Variants in TENM4 observed in about 807,000 individuals in gnomAD.
TENM4 encodes the protein teneurin-4.
A neutral mutation model predicts 243.3 loss-of-function variants in TENM4; 82 were observed. The ratio of observed to expected loss-of-function variants is 0.34; its 90% CI spans 0.28 to 0.40. The LOEUF (loss-of-function observed/expected upper bound fraction) is 0.40. Among genes scored for constraint, TENM4 ranks in the 10% least tolerant of loss-of-function variants. The pLI, the probability that TENM4 is intolerant of heterozygous loss-of-function variation, is 1.00. For synonymous variants in TENM4, 1,412 were observed against 1,456.3 expected (o/e 0.97, Z 0.69); for missense variants, 3,138 against 3,673.3 (o/e 0.85, Z 3.77).
chr11:78,786,191 T>C (rs1206440510), intron 16 of TENM4, among the ~76,000 whole-genome samples: 3 of 152,194 alleles, frequency 2.0e-5, no homozygotes, highest in African/African-American at 7.2e-5. Context: ...TCAGAGCTGC[T>C]TCAGCAGGAG....
At chr11:78,791,646 T>C (rs915204899) in intron 15 of TENM4, among the ~76,000 whole-genome samples, 5 of 152,262 alleles carry the variant, frequency 3.3e-5, no homozygotes, top group African/African-American at 1.2e-4. Context: ...CATTCTAGCA[T>C]GGCAGACAGA....
At chr11:78,672,485 T>C (rs1158548109) in intron 30 of TENM4, among the ~76,000 whole-genome samples, 156 bp from the exon 31 acceptor site, 1 of 152,238 alleles carries the variant, frequency 6.6e-6, no homozygotes, top group Non-Finnish European at 1.5e-5. Context: ...ATCCTGGCTC[T>C]GTCATTTGTC....
intron 3 of TENM4, among the ~76,000 whole-genome samples, chr11:79,208,686 C>T (rs577238926): frequency 6.6e-6 from 1 of 152,278 alleles, no homozygotes; most frequent in Non-Finnish European, 1.5e-5. Context: ...CAACGCTTAC[C>T]TCACTGGGTA....
intron 6 of TENM4, among the ~76,000 whole-genome samples, chr11:79,026,927 C>CAGAGAG (rs373300937): frequency 6.6e-6 from 1 of 151,248 alleles, no homozygotes; most frequent in East Asian, 1.9e-4. Flanking sequence ...TAGATTCTAA[C>CAGAGAG]AGAGAGAGAG....
rs114148470 is a variant in TENM4 at position 79,245,253 on chromosome 11, C to T, written c.-264-29344G>A. On this transcript the variant is annotated intron_variant, in intron 2 of 33. Transcript: ENST00000278550. ...TTGACTGACTGACTTGACAAAGTTT[C>T]TCAGTCTCCCTATCTTTCTTCTCAT... 6.1e-3 allele frequency among the ~76,000 whole-genome samples: 923 copies of T among 152,344 alleles called. 14 individuals are homozygous for T. Among genetic ancestry groups the T allele is most frequent in the African/African-American group, 0.021 (882 of 41,586 alleles).
chr11:79,055,932 G>A (rs1336874671), intron 6 of TENM4, among the ~76,000 whole-genome samples: 2 of 152,186 alleles, frequency 1.3e-5, no homozygotes, highest in African/African-American at 4.8e-5. Context: ...ACTAGGACTA[G>A]TGACACAGCC....
At chr11:79,398,504 C>A (rs1858391946) in intron 1 of TENM4, among the ~76,000 whole-genome samples, 1 of 152,076 alleles carries the variant, frequency 6.6e-6, no homozygotes, top group Non-Finnish European at 1.5e-5. Flanking sequence ...TATGGAAATA[C>A]TAACAGTGGT....
chr11:78,700,528 A>G (rs962173546), intron 28 of TENM4, among the ~76,000 whole-genome samples: 1 of 152,234 alleles, frequency 6.6e-6, no homozygotes, highest in African/African-American at 2.4e-5. Flanking sequence ...CAGTCGTGTG[A>G]ACCATGGCTA....
intron 12 of TENM4, among the ~76,000 whole-genome samples, chr11:78,841,241 G>A (rs929078723): frequency 1.3e-5 from 2 of 152,158 alleles, no homozygotes; most frequent in African/African-American, 4.8e-5. Context: ...AAGTCCCACT[G>A]CTATTAAGTG....
intron 19 of TENM4, chr11:78,756,604 A>G (rs572098499): frequency 3.5e-6 from 2 of 579,284 alleles, no homozygotes; most frequent in African/African-American, 1.9e-5. Context: ...TTGCTCATAA[A>G]AATTCCAAAC....
chr11:78,710,508 G>T (rs1261453694), intron 26 of TENM4, among the ~76,000 whole-genome samples: 1 of 152,224 alleles, frequency 6.6e-6, no homozygotes, highest in African/African-American at 2.4e-5. Context: ...TCATGGTCCT[G>T]TCGTGAATGT....
intron 22 of TENM4, among the ~76,000 whole-genome samples, 152 bp downstream of exon 22, chr11:78,729,223 AG>A (rs35235071): frequency 0.13 from 19,982 of 152,132 alleles, 1,565 homozygotes; most frequent in Admixed American, 0.19. Context: ...ACATTCTTTT[AG>A]GTCCTGGCCA....
chr11:78,789,994 T>C (rs762755935), intron 15 of TENM4, among the ~76,000 whole-genome samples: 19 of 152,196 alleles, frequency 1.2e-4, no homozygotes, highest in Non-Finnish European at 2.6e-4. Context: ...CAGAGGCTTC[T>C]TCCTACCTTA....
intron 2 of TENM4, among the ~76,000 whole-genome samples, chr11:79,221,880 G>A (rs949697572): frequency 1.3e-5 from 2 of 152,128 alleles, no homozygotes; most frequent in African/African-American, 4.8e-5. Context: ...ACCAGCTCTG[G>A]ACATGCCCTG....
rs529284540 is a variant in TENM4 at position 78,967,495 on chromosome 11, C to A, written c.494-63972G>T. Reference sequence around the variant, plus strand: ...GGAAAGTGACAAGACCGGGGCTGTACTGTAGAAGGATCTGCTCTTTAAACA... The same window carrying A: ...GGAAAGTGACAAGACCGGGGCTGTAATGTAGAAGGATCTGCTCTTTAAACA... On this transcript the variant is annotated intron_variant, in intron 6 of 33. Coordinates refer to ENST00000278550, the MANE Select transcript of TENM4 (RefSeq NM_001098816.3). Among the ~76,000 whole-genome samples the A allele has an allele frequency of 3.9e-5, 6 of 152,312 alleles. No individual in the cohort carries two copies. The South Asian group carries it at 1.0e-3, about 26-fold the overall frequency.
At chr11:78,982,665 A>G (rs953541559) in intron 6 of TENM4, among the ~76,000 whole-genome samples, 1 of 152,172 alleles carries the variant, frequency 6.6e-6, no homozygotes, top group Non-Finnish European at 1.5e-5. Flanking sequence ...GCAACATCCA[A>G]CAATCCAGCC....
chr11:79,107,209 G>T (rs1020976562), intron 4 of TENM4, among the ~76,000 whole-genome samples: 2 of 152,074 alleles, frequency 1.3e-5, no homozygotes, highest in African/African-American at 2.4e-5. Flanking sequence ...TAATCACTAT[G>T]GCATGCTGCT....
chr11:78,899,564 G>GGC (rs200269867), intron 7 of TENM4, among the ~76,000 whole-genome samples: 6 of 134,844 alleles, frequency 4.4e-5, no homozygotes, highest in Admixed American at 1.5e-4. Context: ...AAAAGCGGGG[G>GGC]GGGGGGGAAA....
chr11:79,095,993 CTT>C (rs1448086721), intron 4 of TENM4: 2 of 152,214 alleles, frequency 1.3e-5, no homozygotes, highest in African/African-American at 4.8e-5. Context: ...ATTGCTATCT[CTT>C]TGTTCCTCTG....
Sources: gnomAD v4.1 joint callset for allele counts (sites outside exome capture counted in the v4.1 genomes callset) on GRCh38, gnomAD v4.1.1 for gene constraint, MANE v1.5 for transcripts, NCBI Gene and HGNC (gene_info 2026-07-23, HGNC 2026-07-21) for gene names.